Variants in AUTS2 observed in about 807,000 individuals in gnomAD.
AUTS2 encodes the protein activator of transcription and developmental regulator AUTS2.
Under a neutral mutation model 112.4 loss-of-function variants are expected in AUTS2, and 17 were observed. That is an observed-to-expected ratio of 0.15 (90% CI 0.10 to 0.23). AUTS2 has a LOEUF of 0.23. AUTS2 is among the 10% of genes least tolerant of loss of function. The pLI is 1.00. For synonymous variants in AUTS2, 751 were observed against 702.7 expected, an observed-to-expected ratio of 1.07 and a Z score of -1.09; for missense variants, 1,510 against 1,701.6, an observed-to-expected ratio of 0.89 and a Z score of 1.98.
At chr7:70,295,146 C>G (rs986338160) in intron 4 of AUTS2, among the ~76,000 whole-genome samples, 1 of 152,180 alleles carries the variant, frequency 6.6e-6, no homozygotes, top group Non-Finnish European at 1.5e-5. Flanking sequence ...TAGCAGATAG[C>G]CTGATTTTAT....
intron 5 of AUTS2, among the ~76,000 whole-genome samples, chr7:70,599,579 T>C (rs990132777): frequency 3.3e-5 from 5 of 152,346 alleles, no homozygotes; most frequent in South Asian, 2.1e-4. Flanking sequence ...ATTTCTCATA[T>C]GCATTATGAC....
chr7:70,216,998 C>A (rs1811200362), intron 4 of AUTS2, among the ~76,000 whole-genome samples: 1 of 152,136 alleles, frequency 6.6e-6, no homozygotes, highest in South Asian at 2.1e-4. Context: ...TGACCTCCAC[C>A]TCCCAGGTTC....
intron 14 of AUTS2, among the ~76,000 whole-genome samples, chr7:70,779,998 G>A (rs1790961243): frequency 6.6e-6 from 1 of 150,658 alleles, no homozygotes; most frequent in Admixed American, 6.6e-5. Flanking sequence ...CTGGGCAAAA[G>A]AGCGAGACCC....
chr7:69,617,185 GA>G (rs980768831), intron 1 of AUTS2, among the ~76,000 whole-genome samples: 123 of 151,956 alleles, frequency 8.1e-4, no homozygotes, highest in African/African-American at 2.8e-3. Context: ...ATGTTGATGA[GA>G]AAAAAAATTG....
intron 1 of AUTS2, among the ~76,000 whole-genome samples, chr7:69,625,141 G>C (rs1037858375): frequency 6.6e-6 from 1 of 152,172 alleles, no homozygotes; most frequent in African/African-American, 2.4e-5. Context: ...TTCTTGCTTT[G>C]GGGTTGTGGG....
intron 4 of AUTS2, among the ~76,000 whole-genome samples, chr7:70,164,806 GTTTGGGTTCAATTAAAAAAA>G (rs1419242704): frequency 6.6e-6 from 1 of 151,828 alleles, no homozygotes; most frequent in Non-Finnish European, 1.5e-5. Context: ...TATACATAAA[GTTTGGGTTCAATTAAAAAAA>G]TTATGACATA....
intron 3 of AUTS2, among the ~76,000 whole-genome samples, chr7:70,127,827 C>A (rs938266878): frequency 2.6e-5 from 4 of 152,158 alleles, no homozygotes; most frequent in Admixed American, 6.5e-5. Context: ...TACTTCAAAT[C>A]TTCCCTGGTC....
intron 5 of AUTS2, among the ~76,000 whole-genome samples, chr7:70,613,488 G>A (rs2129534394): frequency 6.6e-6 from 1 of 152,264 alleles, no homozygotes; most frequent in African/African-American, 2.4e-5. Flanking sequence ...ACCCTGGTGA[G>A]AACTCATTAA....
intron 5 of AUTS2, among the ~76,000 whole-genome samples, chr7:70,618,379 C>A (rs1585386785): frequency 6.6e-6 from 1 of 152,264 alleles, no homozygotes; most frequent in East Asian, 1.9e-4. Context: ...AGCCCTGGCC[C>A]CTCTCCAGCA....
chr7:70,084,196 G>T (rs572265553), intron 2 of AUTS2, among the ~76,000 whole-genome samples: 1 of 151,710 alleles, frequency 6.6e-6, no homozygotes, highest in South Asian at 2.1e-4. Context: ...CCTTTTTTTT[G>T]GAGGAGGGGG....
intron 1 of AUTS2, among the ~76,000 whole-genome samples, chr7:69,607,290 C>T (rs1792782289): frequency 6.6e-6 from 1 of 152,116 alleles, no homozygotes; most frequent in African/African-American, 2.4e-5. Context: ...CAGTTAGATT[C>T]CCCGCTCACC....
At chr7:70,712,135 A>G (rs1810088829) in intron 6 of AUTS2, among the ~76,000 whole-genome samples, 1 of 137,208 alleles carries the variant, frequency 7.3e-6, no homozygotes, top group Non-Finnish European at 1.5e-5. Flanking sequence ...GTTATCCTCC[A>G]GCCTCAGCCT....
chr7:69,847,912 A>G (rs970572148), intron 1 of AUTS2, among the ~76,000 whole-genome samples: 2 of 152,118 alleles, frequency 1.3e-5, no homozygotes, highest in African/African-American at 4.8e-5. Flanking sequence ...TCCTTTTATC[A>G]CTTCCCAGTT....
At chr7:70,366,240 A>G (rs532441480) in intron 4 of AUTS2, among the ~76,000 whole-genome samples, 1 of 152,212 alleles carries the variant, frequency 6.6e-6, no homozygotes. Flanking sequence ...TTAGAGACAG[A>G]TCCATAAGCA....
rs781116950 is a variant in AUTS2 at position 70,724,606 on chromosome 7, C to T, written c.742+25986C>T. ...GACTACAGGCGTCTACCACCACGCC[C>T]GGCTAATTTTTTTATTTTTTAGTAC... is the stretch of plus-strand genomic sequence containing the variant. On this transcript the variant is annotated intron_variant, in intron 6 of 18. Transcript: ENST00000342771. 4.9e-4 allele frequency among the ~76,000 whole-genome samples: 74 copies of T among 151,870 alleles called. 1 individual carries two copies. Among genetic ancestry groups the T allele is most frequent in the Admixed American group, 3.0e-3 (45 of 15,236 alleles).
intron 4 of AUTS2, among the ~76,000 whole-genome samples, chr7:70,299,432 C>T (rs954931020): frequency 2.0e-5 from 3 of 152,238 alleles, no homozygotes; most frequent in African/African-American, 4.8e-5. Flanking sequence ...AGATGCACTA[C>T]TTGGCTGCTT....
intron 2 of AUTS2, among the ~76,000 whole-genome samples, chr7:69,934,326 T>TGA: frequency 6.6e-6 from 1 of 152,312 alleles, no homozygotes; most frequent in Non-Finnish European, 1.5e-5. Flanking sequence ...CATGTTCCTG[T>TGA]CACAGCATGT....
chr7:69,943,724 G>A (rs572850267), intron 2 of AUTS2, among the ~76,000 whole-genome samples: 18 of 152,176 alleles, frequency 1.2e-4, no homozygotes, highest in African/African-American at 1.7e-4. Flanking sequence ...AGGTGTTTGT[G>A]TATTGGTATA....
intron 6 of AUTS2, among the ~76,000 whole-genome samples, chr7:70,761,245 G>A (rs1233341430): frequency 2.0e-5 from 3 of 152,162 alleles, no homozygotes; most frequent in South Asian, 2.1e-4. Flanking sequence ...AGTTGGAGCT[G>A]TAGTGTGCTG....
Sources: allele counts gnomAD v4.1 joint callset (sites outside exome capture counted in the v4.1 genomes callset), GRCh38; gene constraint gnomAD v4.1.1; transcripts MANE v1.5; gene names NCBI Gene and HGNC (gene_info 2026-07-23, HGNC 2026-07-21).